TXN2: variants seen among roughly 807,000 people sequenced by gnomAD.
TXN2 encodes thioredoxin 2.
TXN2 carries 12 observed loss-of-function variants against 14.6 expected under a neutral mutation model. The ratio of observed to expected loss-of-function variants is 0.82; its 90% CI spans 0.53 to 1.33. The LOEUF is 1.33. Ranked by LOEUF, TXN2 falls within the 40% of genes most tolerant of loss-of-function variation. The probability of loss-of-function intolerance (pLI) is 0.00; values close to 1 mark genes in which losing one functional copy is unlikely to be tolerated. For missense variants in TXN2, 173 were observed against 207.7 expected, an observed-to-expected ratio of 0.83 and a Z score of 1.03; for synonymous variants, 89 against 81.0, an observed-to-expected ratio of 1.10 and a Z score of -0.53.
chr22:36,473,824 T>G (rs1933331970), intron 3 of TXN2, among the ~76,000 whole-genome samples: 1 of 152,168 alleles, frequency 6.6e-6, no homozygotes, highest in African/African-American at 2.4e-5. Context: ...AGGCCTTCAG[T>G]GCCCACTCCC....
chr22:36,474,085 G>A (rs543539398), intron 3 of TXN2, among the ~76,000 whole-genome samples: 201 of 152,300 alleles, frequency 1.3e-3, no homozygotes, highest in Admixed American at 2.2e-3. Flanking sequence ...GCCCCAGCCC[G>A]GGCTCTCACC....
At chr22:36,480,514 G>T (rs879093146) in intron 2 of TXN2, 61 bp downstream of exon 2, 2 of 1,572,992 alleles carry the variant, frequency 1.3e-6, no homozygotes, top group South Asian at 2.4e-5. Context: ...GGACACAGCA[G>T]GCATTCAATA....
chr22:36,479,107 C>G (rs1933445763), intron 2 of TXN2, among the ~76,000 whole-genome samples: 1 of 152,114 alleles, frequency 6.6e-6, no homozygotes, highest in Non-Finnish European at 1.5e-5. Flanking sequence ...ACATTCTAGC[C>G]TGGGTGACAG....
intron 3 of TXN2, among the ~76,000 whole-genome samples, chr22:36,474,512 C>T (rs188527909): frequency 2.7e-4 from 41 of 152,248 alleles, no homozygotes; most frequent in African/African-American, 8.4e-4. Context: ...AGGAATAAAG[C>T]GGCCTCTTTC....
chr22:36,479,840 T>C (rs1933461169), intron 2 of TXN2, among the ~76,000 whole-genome samples: 3 of 151,472 alleles, frequency 2.0e-5, no homozygotes, highest in African/African-American at 7.3e-5. Context: ...AACTCCTTCC[T>C]ATGCCCTGTA....
chr22:36,478,089 A>T lies in TXN2; in HGVS notation c.264-1233T>A, dbSNP rs1933424177. On this transcript the variant is annotated intron_variant, in intron 2 of 3. Coordinates refer to ENST00000216185, the MANE Select transcript of TXN2 (RefSeq NM_012473.4). ...GAGGCAGAGGTTGAAGTGAGCTGAG[A>T]TTGTGCCACTGCACTCCAGCCTGGG... Among the ~76,000 whole-genome samples, 3 of 139,268 alleles carry T rather than the reference A, an allele frequency of 2.2e-5. 1 individual carries two copies. In the South Asian group the frequency reaches 7.3e-4, roughly 34 times the overall value. 91.4% of individuals were successfully genotyped at this position (139,268 alleles called of 152,430 possible). A position where few individuals can be genotyped will look rare whatever the true frequency, so the allele number is the denominator to read the frequency against.
rs368246545 is a variant in TXN2 at position 36,480,712 on chromosome 22, C to T, written c.126G>A (p.Leu42=). The T allele has an allele frequency of 1.4e-5, 23 of 1,614,006 alleles. No homozygotes were observed. Among genetic ancestry groups the T allele is most frequent in the Non-Finnish European group, 1.9e-5 (22 of 1,180,050 alleles). The change falls in exon 2 of 4, where the codon CTG becomes CTA. Residue 42 remains leucine (L), a synonymous_variant. Transcript: ENST00000216185. ...TCCGGGCTGGGTTGGGTGTTACAGT[C>T]AGGCCACCAGGACTGCATTGTGGGG... ...LQTPQCSPGG[L]TVTPNPARTI... is the part of the protein sequence containing the mutation.
At chr22:36,480,942 G>A in intron 1 of TXN2, 105 bp from the exon 2 acceptor site, 1 of 1,249,308 alleles carries the variant, frequency 8.0e-7, no homozygotes, top group Admixed American at 2.9e-5. Context: ...AGAGTTGGAA[G>A]CAAAATGCAA....
intron 3 of TXN2, among the ~76,000 whole-genome samples, chr22:36,469,172 C>A (rs6000282): frequency 0.13 from 19,647 of 152,298 alleles, 1,505 homozygotes; most frequent in African/African-American, 0.21. Flanking sequence ...TCAGTGTTCT[C>A]AGATGCAGGA....
intron 2 of TXN2, among the ~76,000 whole-genome samples, chr22:36,478,152 A>G (rs1203531775): frequency 6.6e-6 from 1 of 151,518 alleles, no homozygotes; most frequent in Non-Finnish European, 1.5e-5. Flanking sequence ...AAAAAAAAAA[A>G]AAGAGAAAGT....
rs1192445946 is a variant in TXN2, at chr22:36,480,698, T to G, written c.140A>C (p.Asn47Thr). 3 of 1,614,004 alleles carry G rather than the reference T, an allele frequency of 1.9e-6. No individual in the cohort carries two copies. In the Admixed American group the frequency reaches 5.0e-5, roughly 27 times the overall value. ...CGTGGTGTATATTGTCCGGGCTGGG[T>G]TGGGTGTTACAGTCAGGCCACCAGG... ...CSPGGLTVTP[N>T]PARTIYTTRI... Residue 47 changes from asparagine to threonine, a missense_variant, in exon 2 of 4, where the codon AAC becomes ACC. By Grantham distance (65) the Asn-to-Thr change is moderately conservative (BLOSUM62 0). Coordinates refer to ENST00000216185, the MANE Select transcript of TXN2 (RefSeq NM_012473.4).
At position 36,467,695 on chromosome 22, in the gene TXN2, G is replaced by A; in HGVS notation, c.*109C>T. The A allele has an allele frequency of 1.1e-6, 1 of 951,360 alleles. No homozygotes were observed. 58.9% of individuals were successfully genotyped at this position (951,360 alleles called of 1,614,324 possible). A position where few individuals can be genotyped will look rare whatever the true frequency, so the allele number is the denominator to read the frequency against. On this transcript the variant is annotated 3_prime_UTR_variant, in exon 4 of 4. Coordinates refer to ENST00000216185, the MANE Select transcript of TXN2 (RefSeq NM_012473.4). ...GGGCTGGAGCCTGGGCTCTAAGCAT[G>A]GGCCCCAGGAGCCAGACAGGAGGGA...
Position 36,480,897 on chromosome 22 carries a change from A to G in TXN2, c.1-60T>C, listed in dbSNP as rs1933488592. On this transcript the variant is annotated intron_variant, in intron 1 of 3. Transcript: ENST00000216185. The stretch of plus-strand genomic sequence containing the variant: ...CAAAAGGAAGTCGACACACTAGAAA[A>G]AGATTTGGGGAGTACTCAGGGCTCA... The G allele has an allele frequency of 7.3e-6, 11 of 1,505,540 alleles. No individual in the cohort carries two copies. The Admixed American group carries it at 1.6e-4, about 22-fold the overall frequency. The allele number at this position is 1,505,540 out of a possible 1,614,324, so 93.3% of individuals were successfully genotyped here.
At chr22:36,474,330 C>CT (rs1933344215) in intron 3 of TXN2, among the ~76,000 whole-genome samples, 2 of 152,198 alleles carry the variant, frequency 1.3e-5, no homozygotes, top group South Asian at 4.1e-4. Flanking sequence ...TCATTGCAGA[C>CT]TGATGTTCCT....
intron 3 of TXN2, among the ~76,000 whole-genome samples, chr22:36,469,135 T>A (rs1421010075): frequency 1.3e-5 from 2 of 152,212 alleles, no homozygotes; most frequent in African/African-American, 4.8e-5. Flanking sequence ...CCAGGTGAGC[T>A]GGGGCACGCC....
intron 3 of TXN2, among the ~76,000 whole-genome samples, chr22:36,471,482 C>A (rs185484825): frequency 6.6e-6 from 1 of 152,142 alleles, no homozygotes; most frequent in South Asian, 2.1e-4. Flanking sequence ...CTGGGTGCTG[C>A]GGGATGTTGC....
At chr22:36,481,100 G>A in intron 1 of TXN2, 1 of 392,350 alleles carries the variant, frequency 2.5e-6, no homozygotes, top group South Asian at 4.9e-5. Flanking sequence ...AGAATGGGAG[G>A]AAGAAACCAA....
At position 36,480,598 on chromosome 22, in the gene TXN2, T is replaced by C. The variant is rs1490114173; in HGVS notation, c.240A>G (p.Pro80=). The part of the protein sequence containing the change: ...FQDRVVNSET[P]VVVDFHAQWC... Reference sequence around the variant, plus strand: ...ACTGTGCGTGGAAATCCACAACCACTGGTGTCTCACTGTTGACCACTCGGT... The same window carrying C: ...ACTGTGCGTGGAAATCCACAACCACCGGTGTCTCACTGTTGACCACTCGGT... The change falls in exon 2 of 4, where the codon CCA becomes CCG. Residue 80 remains proline (P), a synonymous_variant. Coordinates refer to ENST00000216185, the MANE Select transcript of TXN2 (RefSeq NM_012473.4). 6.2e-7 allele frequency: 1 copy of C among 1,613,996 alleles called. No individual in the cohort carries two copies. Among genetic ancestry groups the C allele is most frequent in the East Asian group, 2.2e-5 (1 of 44,892 alleles).
intron 2 of TXN2, among the ~76,000 whole-genome samples, chr22:36,478,132 CAAAAAAAAAAAA>C (rs778032940): frequency 3.0e-5 from 2 of 67,700 alleles, no homozygotes; most frequent in Non-Finnish European, 5.8e-5. Context: ...GACTCTGTCT[CAAAAAAAAAAAA>C]AAAAAAAAAA....
Sources: gnomAD v4.1 joint callset for allele counts (sites outside exome capture counted in the v4.1 genomes callset) on GRCh38, gnomAD v4.1.1 for gene constraint, MANE v1.5 for transcripts, NCBI Gene and HGNC (gene_info 2026-07-23, HGNC 2026-07-21) for gene names.